Variants in CASD1 observed in about 807,000 individuals in gnomAD.
The protein encoded by CASD1 is N-acetylneuraminate (7)9-O-acetyltransferase.
A neutral mutation model predicts 100.0 loss-of-function variants in CASD1; 41 were observed. The ratio of observed to expected loss-of-function variants is 0.41; its 90% CI spans 0.32 to 0.53. The LOEUF (loss-of-function observed/expected upper bound fraction) is 0.53, where lower values mean the gene tolerates loss of function less well. CASD1 is among the 20% of genes least tolerant of loss of function. The pLI is 0.25. For missense variants in CASD1, 774 were observed against 948.7 expected (o/e 0.82, Z 2.42); for synonymous variants, 321 against 315.6 (o/e 1.02, Z -0.18).
At chr7:94,543,239 C>T (rs962045106) in intron 10 of CASD1, among the ~76,000 whole-genome samples, 2 of 152,102 alleles carry the variant, frequency 1.3e-5, no homozygotes, top group African/African-American at 2.4e-5. Context: ...AAAAAATATC[C>T]GTCCAAAAAG....
chr7:94,512,972 T>TA (rs1187119684), intron 1 of CASD1, among the ~76,000 whole-genome samples: 4 of 152,186 alleles, frequency 2.6e-5, no homozygotes, highest in African/African-American at 9.6e-5. Context: ...CAGAACTTCT[T>TA]AGACAGTGGG....
intron 1 of CASD1, among the ~76,000 whole-genome samples, chr7:94,511,321 G>A (rs966956637): frequency 6.6e-6 from 1 of 152,084 alleles, no homozygotes; most frequent in African/African-American, 2.4e-5. Flanking sequence ...ATCCATAAAC[G>A]GGTTGTTGGA....
At chr7:94,541,188 CATT>C (rs1795375436) in intron 10 of CASD1, among the ~76,000 whole-genome samples, 1 of 151,934 alleles carries the variant, frequency 6.6e-6, no homozygotes, top group African/African-American at 2.4e-5. Flanking sequence ...ATAGGCAAAA[CATT>C]ATTAGTATAG....
Position 94,552,447 on chromosome 7 carries a change from A to G in CASD1, c.2034+20A>G. 1 of 1,539,224 alleles carries G rather than the reference A, an allele frequency of 6.5e-7. No individual in the cohort carries two copies. Among genetic ancestry groups the G allele is most frequent in the Non-Finnish European group, 8.8e-7 (1 of 1,133,134 alleles). On this transcript the variant is annotated intron_variant, in intron 16 of 17. Transcript: ENST00000297273. ...GTACAGGTACTATCTTGATTTAGAG[A>G]AATTTCTACATCTTAATTCTTGATA...
intron 11 of CASD1, among the ~76,000 whole-genome samples, chr7:94,544,894 A>G (rs1192874264): frequency 6.6e-6 from 1 of 152,110 alleles, no homozygotes; most frequent in Non-Finnish European, 1.5e-5. Flanking sequence ...GTTTCTAAAC[A>G]TTATTTCATT....
At chr7:94,587,661 G>C in the CASD1 span, 123 of 1,505,346 alleles carry the variant, frequency 8.2e-5, no homozygotes, top group Non-Finnish European at 9.3e-5. Flanking sequence ...TCAATATATT[G>C]AACAGTCTTG....
intron 13 of CASD1, among the ~76,000 whole-genome samples, chr7:94,548,181 A>G (rs909842932): frequency 6.6e-6 from 1 of 151,838 alleles, no homozygotes; most frequent in African/African-American, 2.4e-5. Flanking sequence ...AAGGTTCAAT[A>G]TAAGGATTAA....
intron 5 of CASD1, among the ~76,000 whole-genome samples, chr7:94,530,880 A>G (rs1482898477): frequency 1.3e-5 from 2 of 152,090 alleles, no homozygotes; most frequent in Non-Finnish European, 2.9e-5. Context: ...AGGACTGTAA[A>G]ATCACATACA....
At chr7:94,581,617 CAT>C in the CASD1 span, among the ~76,000 whole-genome samples, 12 of 152,188 alleles carry the variant, frequency 7.9e-5, no homozygotes, top group African/African-American at 2.2e-4. Flanking sequence ...CTTATGAGAA[CAT>C]GTGGCATTTT....
chr7:94,615,727 G>A, the CASD1 span, among the ~76,000 whole-genome samples: 1 of 152,288 alleles, frequency 6.6e-6, no homozygotes, highest in South Asian at 2.1e-4. Context: ...GGAAAAGTGA[G>A]TATATTCTTT....
chr7:94,614,187 G>A, the CASD1 span, among the ~76,000 whole-genome samples: 1 of 148,782 alleles, frequency 6.7e-6, no homozygotes, highest in Non-Finnish European at 1.5e-5. Context: ...CTATTCCTTA[G>A]AGACCTAAAT....
At chr7:94,517,055 C>G (rs1454927191) in intron 1 of CASD1, among the ~76,000 whole-genome samples, 3 of 152,046 alleles carry the variant, frequency 2.0e-5, no homozygotes, top group African/African-American at 7.2e-5. Context: ...AGATGTGTGC[C>G]ACCACATCCA....
chr7:94,551,844 ATAT>A (rs1349871300), intron 15 of CASD1: 1 of 154,138 alleles, frequency 6.5e-6, no homozygotes, highest in Non-Finnish European at 1.4e-5. Context: ...TTATGAATAC[ATAT>A]TAGTTCATAT....
At chr7:94,585,359 T>C in the CASD1 span, 1 of 670,716 alleles carries the variant, frequency 1.5e-6, no homozygotes, top group African/African-American at 1.8e-5. Flanking sequence ...TTATGTTGTA[T>C]TATTTGGTAT....
the CASD1 span, among the ~76,000 whole-genome samples, chr7:94,579,760 T>C: frequency 6.6e-6 from 1 of 152,162 alleles, no homozygotes; most frequent in Non-Finnish European, 1.5e-5. Context: ...CCAGATGACT[T>C]ACCAATCATA....
chr7:94,584,010 C>T, the CASD1 span, among the ~76,000 whole-genome samples: 23 of 152,106 alleles, frequency 1.5e-4, no homozygotes, highest in Non-Finnish European at 2.4e-4. Flanking sequence ...GCGATTAAAG[C>T]TATTATTAAA....
At chr7:94,529,871 G>C (rs976426851) in intron 5 of CASD1, among the ~76,000 whole-genome samples, 7 of 152,146 alleles carry the variant, frequency 4.6e-5, no homozygotes, top group African/African-American at 1.7e-4. Flanking sequence ...TAATATTTGA[G>C]AACTGTGAGT....
the CASD1 span, among the ~76,000 whole-genome samples, chr7:94,574,213 GT>G: frequency 1.3e-5 from 2 of 152,116 alleles, no homozygotes; most frequent in East Asian, 3.9e-4. Context: ...TCTCTGACAG[GT>G]TTTGGTATCA....
chr7:94,622,486 G>A, the CASD1 span: 1 of 152,064 alleles, frequency 6.6e-6, no homozygotes, highest in Non-Finnish European at 1.5e-5. Flanking sequence ...AAAATTAGCC[G>A]GGTGTGGTGG....
Sources: allele counts gnomAD v4.1 joint callset (sites outside exome capture counted in the v4.1 genomes callset), GRCh38; gene constraint gnomAD v4.1.1; transcripts MANE v1.5; gene names NCBI Gene and HGNC (gene_info 2026-07-23, HGNC 2026-07-21).